RBFOX3: variants seen among roughly 807,000 people sequenced by gnomAD.
The protein encoded by RBFOX3 is RNA binding fox-1 homolog 3.
RBFOX3 carries 17 observed loss-of-function variants against 48.7 expected under a neutral mutation model. The observed-to-expected ratio is 0.35, with a 90% CI of 0.24 to 0.52. The LOEUF (loss-of-function observed/expected upper bound fraction) is 0.52, where lower values mean the gene tolerates loss of function less well. RBFOX3 is among the 20% of genes least tolerant of loss of function. The pLI, the probability that RBFOX3 is intolerant of heterozygous loss-of-function variation, is 0.94. For synonymous variants in RBFOX3, 212 were observed against 209.5 expected (o/e 1.01, Z -0.10); for missense variants, 382 against 497.5 (o/e 0.77, Z 2.21).
At chr17:79,330,168 A>G (rs2080015689) in intron 2 of RBFOX3, among the ~76,000 whole-genome samples, 1 of 152,254 alleles carries the variant, frequency 6.6e-6, no homozygotes, top group Non-Finnish European at 1.5e-5. Flanking sequence ...CTGCTTCTCC[A>G]GATGAGTTTA....
At chr17:79,567,091 T>G (rs939972883) in intron 1 of RBFOX3, among the ~76,000 whole-genome samples, 2 of 151,620 alleles carry the variant, frequency 1.3e-5, no homozygotes, top group Non-Finnish European at 2.9e-5. Context: ...CTTCCCAGCC[T>G]CAGAATCCTC....
At chr17:79,620,529 G>A in the RBFOX3 span, among the ~76,000 whole-genome samples, 20 of 133,686 alleles carry the variant, frequency 1.5e-4, 1 homozygote, top group African/African-American at 3.2e-4. Context: ...ACATGCATAC[G>A]CGCACATGCA....
rs1020814666 is a variant in RBFOX3, at chr17:79,553,926, G to A, written c.-320+56900C>T. Among the ~76,000 whole-genome samples, 1,420 of 152,110 alleles carry A rather than the reference G, an allele frequency of 9.3e-3. 13 individuals are homozygous for A. Among genetic ancestry groups the A allele is most frequent in the South Asian group, 0.034 (164 of 4,814 alleles). ...TTTTTGTATTTTTAGTAGAGATAGG[G>A]TTTCACCACGTTGGCCAGATTGGTC... On this transcript the variant is annotated intron_variant, in intron 1 of 14. Coordinates refer to ENST00000693108, the MANE Select transcript of RBFOX3 (RefSeq NM_001350451.2).
chr17:79,530,964 G>A (rs967874378), intron 1 of RBFOX3, among the ~76,000 whole-genome samples: 6 of 152,204 alleles, frequency 3.9e-5, no homozygotes, highest in Non-Finnish European at 8.8e-5. Flanking sequence ...CGGCAGGAAG[G>A]CCGCCGTGGA....
chr17:79,555,461 T>A (rs1382771936), intron 1 of RBFOX3, among the ~76,000 whole-genome samples: 1 of 140,446 alleles, frequency 7.1e-6, no homozygotes, highest in Non-Finnish European at 1.5e-5. Context: ...GTAGTGATGA[T>A]GATGATGACA....
chr17:79,250,999 G>A (rs58919884), intron 3 of RBFOX3, among the ~76,000 whole-genome samples: 52,802 of 151,810 alleles, frequency 0.35, 10,527 homozygotes, highest in Middle Eastern at 0.57. Flanking sequence ...AGTAGAGACG[G>A]GGTTTCACCA....
intron 2 of RBFOX3, among the ~76,000 whole-genome samples, chr17:79,373,032 C>T (rs1306738672): frequency 6.6e-6 from 1 of 152,182 alleles, no homozygotes; most frequent in African/African-American, 2.4e-5. Flanking sequence ...ACTTTTATCT[C>T]ACTCCTCGGA....
chr17:79,390,003 AGCCTCCAGGTCTCCG>A lies in RBFOX3; in HGVS notation c.-174-82194_-174-82180del, dbSNP rs2061148260. Reference sequence around the variant, plus strand: ...GTCTCCGCAGCCTCCAGGTCTCCGCAGCCTCCAGGTCTCCGCAGCCTCCAGGTCTCCGTAGCCTCC... The same window carrying A: ...GTCTCCGCAGCCTCCAGGTCTCCGCACAGCCTCCAGGTCTCCGTAGCCTCC... On this transcript the variant is annotated intron_variant, in intron 2 of 14. Coordinates refer to ENST00000693108, the MANE Select transcript of RBFOX3 (RefSeq NM_001350451.2). The surrounding 1 kb of genome is among the most constrained non-coding windows in gnomAD (Gnocchi z 4.2). Among the ~76,000 whole-genome samples the A allele has an allele frequency of 2.1e-5, 2 of 96,870 alleles. No individual in the cohort carries two copies. The highest frequency in any genetic ancestry group is 3.3e-4 in the East Asian group (1 of 3,010). 63.6% of individuals were successfully genotyped at this position (96,870 alleles called of 152,430 possible).
At chr17:79,355,749 G>A (rs115543127) in intron 2 of RBFOX3, among the ~76,000 whole-genome samples, 2,232 of 152,078 alleles carry the variant, frequency 0.015, 24 homozygotes, top group Non-Finnish European at 0.023. Flanking sequence ...CTCAGCTAAT[G>A]TTTTAATTTT....
intron 2 of RBFOX3, among the ~76,000 whole-genome samples, chr17:79,404,650 C>A (rs1318774087): frequency 7.0e-6 from 1 of 142,530 alleles, no homozygotes; most frequent in African/African-American, 2.4e-5. Flanking sequence ...TTCTGGCCCT[C>A]CTCACCACCC....
chr17:79,134,113 A>C (rs957188050), intron 4 of RBFOX3, among the ~76,000 whole-genome samples: 2 of 152,244 alleles, frequency 1.3e-5, no homozygotes, highest in African/African-American at 4.8e-5. Context: ...CTCTGCACCC[A>C]GCAGCCTCAG....
chr17:79,105,925 C>T (rs1469626770), intron 6 of RBFOX3, among the ~76,000 whole-genome samples: 1 of 152,220 alleles, frequency 6.6e-6, no homozygotes, highest in African/African-American at 2.4e-5. Context: ...CAGCCCCAGC[C>T]CCCTGCAGGC....
At chr17:79,374,450 A>C (rs534374379) in intron 2 of RBFOX3, among the ~76,000 whole-genome samples, 17 of 152,330 alleles carry the variant, frequency 1.1e-4, no homozygotes, top group African/African-American at 3.1e-4. Flanking sequence ...CTGCTAATAG[A>C]TGAGAATTAA....
intron 1 of RBFOX3, among the ~76,000 whole-genome samples, chr17:79,493,922 G>C (rs35103349): frequency 0.29 from 44,394 of 151,930 alleles, 6,920 homozygotes; most frequent in South Asian, 0.35. Context: ...TGGGGGAGGA[G>C]GTGGAGAAGG....
intron 1 of RBFOX3, among the ~76,000 whole-genome samples, chr17:79,545,987 C>T (rs2090379425): frequency 6.6e-6 from 1 of 152,236 alleles, no homozygotes; most frequent in Non-Finnish European, 1.5e-5. Flanking sequence ...CACATACATG[C>T]ATGTATACTA....
At chr17:79,160,393 C>T (rs901892168) in intron 4 of RBFOX3, among the ~76,000 whole-genome samples, 4 of 152,352 alleles carry the variant, frequency 2.6e-5, no homozygotes, top group East Asian at 1.9e-4. Flanking sequence ...GGGCAGAGCA[C>T]GAGAGACCCA....
Position 79,103,582 on chromosome 17 carries a change from C to A in RBFOX3, c.415-328G>T, listed in dbSNP as rs547766774. ...CATACCTGACCACAGGCCAGGCCTGCCCCCTGAACCCCACCTTGGGGTAGG... is the reference window on the plus strand; with the variant it reads ...CATACCTGACCACAGGCCAGGCCTGACCCCTGAACCCCACCTTGGGGTAGG... On this transcript the variant is annotated intron_variant, in intron 7 of 14. Transcript: ENST00000693108. The surrounding 1 kb of genome is among the most constrained non-coding windows in gnomAD (Gnocchi z 6.1). Among the ~76,000 whole-genome samples, 1 of 152,152 alleles carries A rather than the reference C, an allele frequency of 6.6e-6. No individual in the cohort carries two copies. The highest frequency in any genetic ancestry group is 2.4e-5 in the African/African-American group (1 of 41,438).
the RBFOX3 span, among the ~76,000 whole-genome samples, chr17:79,625,948 GT>G: frequency 1.3e-5 from 2 of 152,386 alleles, no homozygotes; most frequent in East Asian, 3.9e-4. Flanking sequence ...GAGCGAGGGG[GT>G]TTGGGGGGAC....
chr17:79,325,690 T>C (rs35106082), intron 2 of RBFOX3, among the ~76,000 whole-genome samples: 26,672 of 152,214 alleles, frequency 0.18, 2,643 homozygotes, highest in South Asian at 0.26. Context: ...ACAGCTGCAG[T>C]GGCTCCTCCC....
Sources: allele counts gnomAD v4.1 joint callset (sites outside exome capture counted in the v4.1 genomes callset), GRCh38; gene constraint gnomAD v4.1.1; non-coding constraint Gnocchi (gnomAD v3.1); transcripts MANE v1.5; gene names NCBI Gene and HGNC (gene_info 2026-07-23, HGNC 2026-07-21).